WDR75: variants seen among roughly 807,000 people sequenced by gnomAD.
The protein encoded by WDR75 is WD repeat domain 75.
Under a neutral mutation model 106.1 loss-of-function variants are expected in WDR75, and 52 were observed. The ratio of observed to expected loss-of-function variants is 0.49; its 90% CI spans 0.39 to 0.62. The LOEUF (loss-of-function observed/expected upper bound fraction) is 0.62. Ranked by LOEUF, WDR75 falls within the 20% of genes least tolerant of loss-of-function variation. The pLI is 0.00. For missense variants in WDR75, 905 were observed against 970.3 expected, an observed-to-expected ratio of 0.93 and a Z score of 0.89; for synonymous variants, 333 against 335.5, an observed-to-expected ratio of 0.99 and a Z score of 0.08.
chr2:189,451,103 ATTAAT>A, intron 3 of WDR75, 135 bp downstream of exon 3: 5 of 1,173,480 alleles, frequency 4.3e-6, no homozygotes, highest in Non-Finnish European at 5.5e-6. Context: ...CATCAAAAAA[ATTAAT>A]TTGACTATAT....
At chr2:189,456,956 G>A (rs1397546752) in intron 5 of WDR75, among the ~76,000 whole-genome samples, 1 of 151,958 alleles carries the variant, frequency 6.6e-6, no homozygotes, top group Non-Finnish European at 1.5e-5. Flanking sequence ...TTTAAACAGT[G>A]TTGGGCCGGG....
chr2:189,467,366 C>A, intron 13 of WDR75, 102 bp from the exon 14 acceptor site: 1 of 1,274,072 alleles, frequency 7.8e-7, no homozygotes, highest in Non-Finnish European at 1.1e-6. Context: ...GAACTGAAAC[C>A]ACAGAAAGTG....
intron 4 of WDR75, among the ~76,000 whole-genome samples, chr2:189,452,631 T>G (rs1198664406): frequency 6.6e-6 from 1 of 152,224 alleles, no homozygotes; most frequent in Non-Finnish European, 1.5e-5. Flanking sequence ...TTTCACTGTC[T>G]TTAGAACATT....
chr2:189,442,911 AGAG>A (rs1308383764), intron 1 of WDR75, among the ~76,000 whole-genome samples: 2 of 152,354 alleles, frequency 1.3e-5, no homozygotes, highest in East Asian at 3.9e-4. Context: ...ACAGGCTTTA[AGAG>A]GCTGTCACAC....
Position 189,470,193 on chromosome 2 carries a change from A to G in WDR75, c.1937A>G (p.Glu646Gly), listed in dbSNP as rs756991945. Residue 646 changes from glutamate (E) to glycine (G), a missense_variant, in exon 17 of 21, where the codon GAA (glutamate) becomes GGA (glycine). Transcript: ENST00000314761. ...PRDVPESFTS[E>G]AYQWLNRSQF... ...GATGTCCCTGAATCCTTCACCTCAG[A>G]AGCTTACCAGTGGCTAAATAGATCC... The G allele has an allele frequency of 4.3e-6, 7 of 1,613,350 alleles. No individual in the cohort carries two copies.
intron 6 of WDR75, among the ~76,000 whole-genome samples, chr2:189,457,733 T>G (rs1330989411): frequency 6.6e-6 from 1 of 152,178 alleles, no homozygotes; most frequent in Non-Finnish European, 1.5e-5. Flanking sequence ...AAGTTTTAAT[T>G]GGATCAGATT....
At position 189,448,467 on chromosome 2, in the gene WDR75, C is replaced by G; in HGVS notation, c.175C>G (p.Leu59Val). ...ACACATACTGCATGGACACAGAAAT[C>G]TGGTGACTGGAATCCAGCTTAACCC... ...CVHILHGHRNLVTGIQLNPNN... is the reference protein window; with the variant it reads ...CVHILHGHRNVVTGIQLNPNN... The change falls in exon 2 of 21, where the codon CTG becomes GTG. Residue 59 changes from leucine to valine, a missense_variant. By Grantham distance (32) the Leu-to-Val change is conservative (BLOSUM62 1). Transcript: ENST00000314761. 1 of 1,613,972 alleles carries G rather than the reference C, an allele frequency of 6.2e-7. No homozygotes were observed.
intron 8 of WDR75, among the ~76,000 whole-genome samples, chr2:189,460,713 C>G (rs1686862049): frequency 6.6e-6 from 1 of 151,918 alleles, no homozygotes; most frequent in African/African-American, 2.4e-5. Context: ...ACCGTGTTGC[C>G]AGGCTGGTCT....
chr2:189,459,323 CTT>C lies in WDR75; in HGVS notation c.690-11_690-10del. 6.3e-7 allele frequency: 1 copy of C among 1,593,220 alleles called. No individual in the cohort carries two copies. Among genetic ancestry groups the C allele is most frequent in the Non-Finnish European group, 8.6e-7 (1 of 1,168,754 alleles). On this transcript the variant is annotated splice_polypyrimidine_tract_variant and intron_variant, in intron 7 of 20. Transcript: ENST00000314761. Reference sequence around the variant, plus strand: ...CCTATGGTCAAAATAAGAGTTTTATCTTTCTCCAATAGGAGGAATTTTTATGA... The same window carrying C: ...CCTATGGTCAAAATAAGAGTTTTATCTCTCCAATAGGAGGAATTTTTATGA...
intron 2 of WDR75, chr2:189,450,683 C>A: frequency 1.5e-6 from 2 of 1,344,902 alleles, no homozygotes; most frequent in Non-Finnish European, 1.9e-6. Flanking sequence ...CTTTTTTCCT[C>A]TCTCTTTTAG....
intron 3 of WDR75, 134 bp from the exon 4 acceptor site, chr2:189,451,671 T>C: frequency 1.5e-6 from 1 of 686,244 alleles, no homozygotes; most frequent in Non-Finnish European, 2.5e-6. Flanking sequence ...TTAGTTGTCT[T>C]CTGTAGGCCA....
Position 189,451,886 on chromosome 2 carries a change from GA to G in WDR75, c.369del (p.Lys123AsnfsTer10). 1.2e-6 allele frequency: 2 copies of G among 1,611,768 alleles called. No individual in the cohort carries two copies. On this transcript the variant is annotated frameshift_variant, in exon 4 of 21. Coordinates refer to ENST00000314761, the MANE Select transcript of WDR75 (RefSeq NM_032168.3). LOFTEE classifies it high-confidence loss of function. ...EDSVFVIVNKEKPDIFQLVSV... is the reference protein window; with the variant it reads ...EDSVFVIVNKXKPDIFQLVSV... ...TTCTGTCTTTGTTATAGTGAATAAAGAAAAACCAGGTATGGTATAATTAACT... is the reference window on the plus strand; with the variant it reads ...TTCTGTCTTTGTTATAGTGAATAAAGAAAACCAGGTATGGTATAATTAACT...
intron 4 of WDR75, among the ~76,000 whole-genome samples, chr2:189,454,944 C>T (rs1686701850): frequency 6.6e-6 from 1 of 152,162 alleles, no homozygotes; most frequent in East Asian, 1.9e-4. Flanking sequence ...TTCTAGAGTA[C>T]TGATTAGCAG....
chr2:189,446,689 A>G (rs1686505797), intron 1 of WDR75, among the ~76,000 whole-genome samples: 1 of 152,224 alleles, frequency 6.6e-6, no homozygotes, highest in South Asian at 2.1e-4. Flanking sequence ...GATATGTTCC[A>G]GGACCCTCAG....
At chr2:189,461,969 T>C (rs1358743926) in intron 8 of WDR75, among the ~76,000 whole-genome samples, 1 of 152,232 alleles carries the variant, frequency 6.6e-6, no homozygotes, top group Non-Finnish European at 1.5e-5. Context: ...TCTGCATCTA[T>C]TCAAATAATC....
chr2:189,462,979 G>A lies in WDR75; in HGVS notation c.937+337G>A, dbSNP rs145300180. ...ACATTGGTGCTTTCATAAACCTTCC[G>A]TTTTCAAAAGAATACTGCAAGATTC... is the stretch of plus-strand genomic sequence containing the variant. On this transcript the variant is annotated intron_variant, in intron 9 of 20. Transcript: ENST00000314761. 8.7e-3 allele frequency among the ~76,000 whole-genome samples: 1,325 copies of A among 152,244 alleles called. 25 individuals carry two copies. The highest frequency in any genetic ancestry group is 0.03 in the African/African-American group (1,253 of 41,548).
chr2:189,464,127 T>C (rs963738), intron 11 of WDR75, 166 bp downstream of exon 11: 400,923 of 634,084 alleles, frequency 0.63, 130,259 homozygotes, highest in Non-Finnish European at 0.68. Context: ...CATAATTCCA[T>C]TGAGGCCACA....
At position 189,468,567 on chromosome 2, in the gene WDR75, C is replaced by A; in HGVS notation, c.1721C>A (p.Ala574Glu). The change falls in exon 15 of 21, where the codon GCA becomes GAA. Residue 574 changes from alanine (A) to glutamate (E), a missense_variant and splice_region_variant. By Grantham distance (107) the Ala-to-Glu change is moderately radical (BLOSUM62 -1). Transcript: ENST00000314761. Reference sequence around the variant, plus strand: ...TGCTGTTGGAATCTGCTGAGCTGTGCATGTAAGATATTTTTTACTCTAAAG... The same window carrying A: ...TGCTGTTGGAATCTGCTGAGCTGTGAATGTAAGATATTTTTTACTCTAAAG... The part of the protein sequence containing the change: ...ILCCWNLLSC[A>E]LEWNAKLNVR... 1 of 1,612,842 alleles carries A rather than the reference C, an allele frequency of 6.2e-7. No individual in the cohort carries two copies. The highest frequency in any genetic ancestry group is 8.5e-7 in the Non-Finnish European group (1 of 1,179,134).
intron 1 of WDR75, among the ~76,000 whole-genome samples, chr2:189,445,162 T>A (rs1159322325): frequency 6.6e-6 from 1 of 152,206 alleles, no homozygotes; most frequent in Non-Finnish European, 1.5e-5. Context: ...GTTATTTACA[T>A]TTTACAGTGG....
Sources: gnomAD v4.1 joint callset for allele counts (sites outside exome capture counted in the v4.1 genomes callset) on GRCh38, gnomAD v4.1.1 for gene constraint, MANE v1.5 for transcripts, NCBI Gene and HGNC (gene_info 2026-07-23, HGNC 2026-07-21) for gene names.